RIT2: variants seen among roughly 807,000 people sequenced by gnomAD.
RIT2 encodes the protein GTP-binding protein Rit2.
Under a neutral mutation model 23.7 loss-of-function variants are expected in RIT2, and 24 were observed. The observed-to-expected ratio is 1.01, with a 90% CI of 0.73 to 1.43. RIT2 has a LOEUF of 1.43. Ranked by LOEUF, RIT2 falls within the 40% of genes most tolerant of loss-of-function variation. The pLI is 0.00. For missense variants in RIT2, 236 were observed against 266.9 expected, an observed-to-expected ratio of 0.88 and a Z score of 0.81; for synonymous variants, 107 against 91.1, an observed-to-expected ratio of 1.17 and a Z score of -0.99.
intron 2 of RIT2, among the ~76,000 whole-genome samples, chr18:43,004,012 G>C (rs911502823): frequency 4.6e-5 from 7 of 151,674 alleles, no homozygotes; most frequent in Non-Finnish European, 8.8e-5. Context: ...AAGGATCTGG[G>C]TATGCTCTGT....
chr18:42,870,303 C>G (rs994677252), intron 4 of RIT2, among the ~76,000 whole-genome samples: 4 of 151,992 alleles, frequency 2.6e-5, no homozygotes, highest in Admixed American at 6.6e-5. Flanking sequence ...TACAGTGGTG[C>G]GATCTCGGCT....
intron 4 of RIT2, among the ~76,000 whole-genome samples, chr18:42,791,951 G>A (rs1914053272): frequency 6.6e-6 from 1 of 152,112 alleles, no homozygotes; most frequent in African/African-American, 2.4e-5. Flanking sequence ...AACATCATAA[G>A]GATTTTGGCA....
chr18:42,880,166 G>A (rs1334271815), intron 4 of RIT2, among the ~76,000 whole-genome samples: 2 of 152,108 alleles, frequency 1.3e-5, no homozygotes, highest in Admixed American at 1.3e-4. Context: ...GTGGCAAAAA[G>A]GACTGGATCT....
At chr18:42,952,070 C>T (rs1909863993) in intron 3 of RIT2, among the ~76,000 whole-genome samples, 1 of 152,112 alleles carries the variant, frequency 6.6e-6, no homozygotes, top group Non-Finnish European at 1.5e-5. Context: ...GAAAGACCCA[C>T]CCCCATGATT....
chr18:43,032,904 T>C (rs146887827), intron 2 of RIT2, among the ~76,000 whole-genome samples: 1 of 152,174 alleles, frequency 6.6e-6, no homozygotes, highest in African/African-American at 2.4e-5. Flanking sequence ...TTGATAAGCA[T>C]AATAGAAACT....
chr18:42,816,070 G>A (rs1357427907), intron 4 of RIT2, among the ~76,000 whole-genome samples: 2 of 151,786 alleles, frequency 1.3e-5, no homozygotes, highest in South Asian at 2.1e-4. Context: ...CAGCTGATAC[G>A]TCCTTTGGAA....
chr18:42,900,207 G>T (rs1327305199), intron 4 of RIT2, among the ~76,000 whole-genome samples: 1 of 151,908 alleles, frequency 6.6e-6, no homozygotes, highest in Non-Finnish European at 1.5e-5. Flanking sequence ...TATAATTTTT[G>T]AAGAAATTTC....
intron 4 of RIT2, among the ~76,000 whole-genome samples, chr18:42,838,130 C>T (rs2144019845): frequency 6.6e-6 from 1 of 152,212 alleles, no homozygotes; most frequent in Admixed American, 6.5e-5. Context: ...TCTTTAATTG[C>T]TTTATATATT....
intron 1 of RIT2, among the ~76,000 whole-genome samples, chr18:43,054,761 T>A (rs144733641): frequency 2.9e-4 from 44 of 152,196 alleles, no homozygotes; most frequent in East Asian, 1.9e-3. Context: ...CATTGTAAAT[T>A]GGCCATTCTG....
intron 4 of RIT2, among the ~76,000 whole-genome samples, chr18:42,799,675 C>T (rs190588831): frequency 3.9e-5 from 6 of 152,312 alleles, no homozygotes; most frequent in Admixed American, 1.3e-4. Flanking sequence ...GATCTGGATC[C>T]TGCCAAACCT....
At chr18:42,885,882 G>A (rs139284139) in intron 4 of RIT2, among the ~76,000 whole-genome samples, 177 of 151,968 alleles carry the variant, frequency 1.2e-3, no homozygotes, top group East Asian at 5.8e-3. Flanking sequence ...AATAAACTTC[G>A]CAGATCTCCA....
intron 2 of RIT2, among the ~76,000 whole-genome samples, chr18:42,982,060 T>C (rs1421032347): frequency 6.6e-6 from 1 of 152,124 alleles, no homozygotes; most frequent in Non-Finnish European, 1.5e-5. Flanking sequence ...TCTCAAGAAA[T>C]TTTATATTTC....
chr18:43,099,787 T>A (rs1275998693), intron 1 of RIT2, among the ~76,000 whole-genome samples: 1 of 152,166 alleles, frequency 6.6e-6, no homozygotes, highest in Non-Finnish European at 1.5e-5. Flanking sequence ...TTTCAATTGA[T>A]GGCAAAATCA....
At chr18:42,861,909 A>G (rs1483647333) in intron 4 of RIT2, among the ~76,000 whole-genome samples, 1 of 152,182 alleles carries the variant, frequency 6.6e-6, no homozygotes, top group Admixed American at 6.5e-5. Flanking sequence ...CAAGCATACT[A>G]TTTTGAATGC....
intron 4 of RIT2, among the ~76,000 whole-genome samples, chr18:42,843,434 T>G (rs998671059): frequency 6.6e-6 from 1 of 152,196 alleles, no homozygotes; most frequent in Non-Finnish European, 1.5e-5. Flanking sequence ...TTAGAGATCA[T>G]GAAATACATA....
intron 2 of RIT2, among the ~76,000 whole-genome samples, chr18:42,981,383 T>C (rs1028997956): frequency 6.6e-6 from 1 of 152,162 alleles, no homozygotes; most frequent in Non-Finnish European, 1.5e-5. Flanking sequence ...CTCAGTGTCC[T>C]AATGACTCTT....
rs116738832 is a variant in RIT2 at position 42,921,528 on chromosome 18, G to A, written c.426+2044C>T. On this transcript the variant is annotated intron_variant, in intron 4 of 4. Coordinates refer to ENST00000326695, the MANE Select transcript of RIT2 (RefSeq NM_002930.4). ...TAGGGGTTCTGATAAACATGCCTTTGTGAGATCCTAAGTATCACCTTTGAG... is the reference window on the plus strand; with the variant it reads ...TAGGGGTTCTGATAAACATGCCTTTATGAGATCCTAAGTATCACCTTTGAG... Among the ~76,000 whole-genome samples the A allele has an allele frequency of 3.6e-3, 545 of 152,188 alleles. 2 individuals are homozygous for A. Among genetic ancestry groups the A allele is most frequent in the African/African-American group, 0.012 (518 of 41,554 alleles).
chr18:42,956,791 C>A (rs1169561380), intron 3 of RIT2, among the ~76,000 whole-genome samples: 2 of 152,028 alleles, frequency 1.3e-5, no homozygotes, highest in Non-Finnish European at 2.9e-5. Flanking sequence ...TTGCAATAGG[C>A]AGTGTGAGGC....
chr18:43,027,048 G>T (rs1057187899), intron 2 of RIT2, among the ~76,000 whole-genome samples: 3 of 152,074 alleles, frequency 2.0e-5, no homozygotes, highest in African/African-American at 7.2e-5. Context: ...GAAAAAAGTG[G>T]ATGAAATCCA....
Sources: gnomAD v4.1 joint callset for allele counts (sites outside exome capture counted in the v4.1 genomes callset) on GRCh38, gnomAD v4.1.1 for gene constraint, MANE v1.5 for transcripts, NCBI Gene and HGNC (gene_info 2026-07-23, HGNC 2026-07-21) for gene names.